KRT9: variants seen among roughly 807,000 people sequenced by gnomAD.
KRT9 encodes the protein keratin 9, also known as keratin, type I cytoskeletal 9.
A neutral mutation model predicts 51.4 loss-of-function variants in KRT9; 34 were observed. The observed-to-expected ratio is 0.66, with a 90% CI of 0.50 to 0.88. The LOEUF is 0.88. Ranked by LOEUF, KRT9 falls within the 40% of genes least tolerant of loss-of-function variation. The pLI, the probability that KRT9 is intolerant of heterozygous loss-of-function variation, is 0.00. For missense variants in KRT9, 753 were observed against 790.3 expected (o/e 0.95, Z 0.57); for synonymous variants, 292 against 289.7 (o/e 1.01, Z -0.08).
At chr17:41,570,766 G>A (rs1010594) in intron 1 of KRT9, among the ~76,000 whole-genome samples, 85,752 of 152,094 alleles carry the variant, frequency 0.56, 25,093 homozygotes, top group East Asian at 0.95. Context: ...ACCAGAACTA[G>A]GTCTAGCACA....
Position 41,568,390 on chromosome 17 carries a change from G to T in KRT9, c.1171-5C>A. 1 of 1,614,066 alleles carries T rather than the reference G, an allele frequency of 6.2e-7. No homozygotes were observed. Among genetic ancestry groups the T allele is most frequent in the Non-Finnish European group, 8.5e-7 (1 of 1,179,954 alleles). Reference sequence around the variant, plus strand: ...GCTCTTCTCCAGAGCTGCTTTCTAAGGGTTAGGAGAAGGCTTTAAGAGGGA... The same window carrying T: ...GCTCTTCTCCAGAGCTGCTTTCTAATGGTTAGGAGAAGGCTTTAAGAGGGA... On this transcript the variant is annotated splice_polypyrimidine_tract_variant and splice_region_variant and intron_variant, in intron 5 of 7. Coordinates refer to ENST00000246662, the MANE Select transcript of KRT9 (RefSeq NM_000226.4).
Position 41,567,644 on chromosome 17 carries a change from C to CTCCAGAACCACT in KRT9, c.1500_1501insAGTGGTTCTGGA (p.Gly500_Gly501insSerGlySerGly), listed in dbSNP as rs1906920864. 6.3e-7 allele frequency: 1 copy of CTCCAGAACCACT among 1,598,910 alleles called. No homozygotes were observed. Among genetic ancestry groups the CTCCAGAACCACT allele is most frequent in the Admixed American group, 1.8e-5 (1 of 56,710 alleles). ...CCTCCACCATAGCCACCTCCACTTC[C>CTCCAGAACCACT]TCCTCCACCATAGCTGCCTCCACTT... is the stretch of plus-strand genomic sequence containing the variant. On this transcript the variant is annotated inframe_insertion, in exon 7 of 8. Transcript: ENST00000246662.
At chr17:41,567,935 C>G (rs1217916736) in intron 6 of KRT9, among the ~76,000 whole-genome samples, 185 bp from the exon 7 acceptor site, 1 of 152,060 alleles carries the variant, frequency 6.6e-6, no homozygotes, top group African/African-American at 2.4e-5. Flanking sequence ...ACTGTGGAGC[C>G]CTCCCCTCCC....
chr17:41,570,484 G>C (rs558595187), intron 1 of KRT9, among the ~76,000 whole-genome samples: 5 of 152,318 alleles, frequency 3.3e-5, no homozygotes, highest in African/African-American at 9.6e-5. Flanking sequence ...CTGACATCCT[G>C]TTCCTCAGGG....
intron 1 of KRT9, among the ~76,000 whole-genome samples, 186 bp downstream of exon 1, chr17:41,571,165 C>T (rs1279364306): frequency 6.6e-6 from 1 of 152,232 alleles, no homozygotes; most frequent in Non-Finnish European, 1.5e-5. Context: ...ACTCAGAGCA[C>T]AGGCCAAAGT....
chr17:41,567,466 C>T lies in KRT9; in HGVS notation c.1679G>A (p.Gly560Glu). The T allele has an allele frequency of 1.3e-6, 2 of 1,552,756 alleles. No individual in the cohort carries two copies. The highest frequency in any genetic ancestry group is 2.4e-5 in the East Asian group (1 of 40,930). ...HSGGSGGNYGGGSGSGGGSGG... is the reference protein window; with the variant it reads ...HSGGSGGNYGEGSGSGGGSGG... ...ACTTCCTCCTCCAGAGCCACTTCCT[C>T]CTCCATAGTTGCCCCCACTTCCTCC... The change falls in exon 7 of 8, where the codon GGA (glycine) becomes GAA (glutamate). Residue 560 changes from glycine (G) to glutamate (E), a missense_variant. This residue lies in a region of KRT9 where 507 missense variants were observed against 563.7 expected (regional missense o/e 0.90). Coordinates refer to ENST00000246662, the MANE Select transcript of KRT9 (RefSeq NM_000226.4).
In KRT9 at chr17:41,569,936, T is replaced by A. The variant is rs765015206; in HGVS notation, c.805A>T (p.Met269Leu). The part of the protein sequence containing the change: ...GLRQVLDNLT[M>L]EKSDLEMQYE... ...TGCATCTCCAGGTCAGACTTCTCCA[T>A]GGTCAGATTGTCCAGCACCTGCCGC... The change falls in exon 3 of 8, where the codon ATG becomes TTG. Residue 269 changes from methionine (M) to leucine (L), a missense_variant. Met to Leu is a conservative substitution (Grantham distance 15, BLOSUM62 2). Transcript: ENST00000246662. 6.2e-7 allele frequency: 1 copy of A among 1,614,198 alleles called. No homozygotes were observed. The highest frequency in any genetic ancestry group is 2.2e-5 in the East Asian group (1 of 44,882).
Position 41,568,155 on chromosome 17 carries a change from G to C in KRT9, c.1394+7C>G. The C allele has an allele frequency of 6.2e-7, 1 of 1,611,706 alleles. No individual in the cohort carries two copies. The highest frequency in any genetic ancestry group is 8.5e-7 in the Non-Finnish European group (1 of 1,178,578). ...CCAGGGGTTCCACCAAATCCTGGGG[G>C]ACCTACAAGTCTTCCTGGCCTCCCT... On this transcript the variant is annotated splice_region_variant and intron_variant, in intron 6 of 7. Coordinates refer to ENST00000246662, the MANE Select transcript of KRT9 (RefSeq NM_000226.4).
intron 1 of KRT9, 47 bp downstream of exon 1, chr17:41,571,304 G>C (rs376081787): frequency 6.5e-7 from 1 of 1,529,426 alleles, no homozygotes; most frequent in African/African-American, 1.4e-5. Context: ...GGAAGATAAA[G>C]AATGAAAGAG....
chr17:41,570,250 C>G, intron 1 of KRT9, 30 bp from the exon 2 acceptor site: 1 of 1,590,724 alleles, frequency 6.3e-7, no homozygotes, highest in South Asian at 1.1e-5. Context: ...GCCATGATAT[C>G]ATGCTGTGGA....
At position 41,567,670 on chromosome 17, in the gene KRT9, C is replaced by T. The variant is rs1392705236; in HGVS notation, c.1475G>A (p.Gly492Glu). ...GGSYGRGSRG[G>E]SGGSYGGGGS... ...TCCTCCACCATAGCTGCCTCCACTT[C>T]CTCCCCTGGATCCTCTTCCATAACT... Residue 492 changes from glycine to glutamate, a missense_variant, in exon 7 of 8, where the codon GGA becomes GAA. Around this residue, in one of 3 missense-constraint regions of KRT9, gnomAD observed 507 missense variants for 563.7 expected, o/e 0.90. Transcript: ENST00000246662. The T allele has an allele frequency of 1.2e-6, 2 of 1,612,300 alleles. No homozygotes were observed. The highest frequency in any genetic ancestry group is 2.2e-5 in the South Asian group (2 of 90,832).
intron 6 of KRT9, 35 bp downstream of exon 6, chr17:41,568,127 C>A (rs1313556388): frequency 1.3e-6 from 2 of 1,561,984 alleles, no homozygotes; most frequent in Non-Finnish European, 1.8e-6. Flanking sequence ...GGCCTAGGGA[C>A]CCCCAGGGGT....
chr17:41,569,665 C>A, intron 3 of KRT9, 78 bp from the exon 4 acceptor site: 2 of 1,577,252 alleles, frequency 1.3e-6, no homozygotes, highest in East Asian at 2.2e-5. Context: ...TCTGGTCCCC[C>A]CAGGGTACAA....
In KRT9 at chr17:41,572,040, C is replaced by T. The variant is rs370955476; in HGVS notation, c.-48G>A. The T allele has an allele frequency of 3.2e-5, 50 of 1,542,692 alleles. No homozygotes were observed. The African/African-American group carries it at 5.3e-4, about 16-fold the overall frequency. On this transcript the variant is annotated 5_prime_UTR_variant, in exon 1 of 8. Coordinates refer to ENST00000246662, the MANE Select transcript of KRT9 (RefSeq NM_000226.4). ...TTGAGAAGCAGTGATAGGAGTGCTACCGGCTCCCAAGTGCAGGGTACAGAG... is the reference window on the plus strand; with the variant it reads ...TTGAGAAGCAGTGATAGGAGTGCTATCGGCTCCCAAGTGCAGGGTACAGAG...
In KRT9 at chr17:41,571,811, C is replaced by T; in HGVS notation, c.182G>A (p.Cys61Tyr). 6.2e-7 allele frequency: 1 copy of T among 1,613,502 alleles called. No individual in the cohort carries two copies. The highest frequency in any genetic ancestry group is 8.5e-7 in the Non-Finnish European group (1 of 1,179,684). ...SGYGGGSSRV[C>Y]GRGGGGSFGY... ...AAAACTGCCACCGCCTCCCCTCCCA[C>T]AGACACGAGAGCTTCCCCCACCATA... Residue 61 changes from cysteine to tyrosine, a missense_variant, in exon 1 of 8, where the codon TGT (cysteine) becomes TAT (tyrosine). By Grantham distance (194) the Cys-to-Tyr change is radical. This residue lies in a region of KRT9 where 241 missense variants were observed against 210.3 expected (regional missense o/e 1.15). Coordinates refer to ENST00000246662, the MANE Select transcript of KRT9 (RefSeq NM_000226.4).
chr17:41,570,451 G>T (rs1018680604), intron 1 of KRT9, among the ~76,000 whole-genome samples: 1 of 152,282 alleles, frequency 6.6e-6, no homozygotes, highest in African/African-American at 2.4e-5. Flanking sequence ...TACTGCAAAG[G>T]GCATTGTAGG....
intron 7 of KRT9, among the ~76,000 whole-genome samples, chr17:41,566,996 C>A (rs542710302): frequency 6.6e-6 from 1 of 152,278 alleles, no homozygotes; most frequent in African/African-American, 2.4e-5. Flanking sequence ...ATTTTCAACC[C>A]ATCTCCTACA....
In KRT9 at chr17:41,568,403, G is replaced by A. The variant is rs757924247; in HGVS notation, c.1171-18C>T. Reference sequence around the variant, plus strand: ...GCTGCTTTCTAAGGGTTAGGAGAAGGCTTTAAGAGGGATGCTACATCATAA... The same window carrying A: ...GCTGCTTTCTAAGGGTTAGGAGAAGACTTTAAGAGGGATGCTACATCATAA... On this transcript the variant is annotated intron_variant, in intron 5 of 7. Coordinates refer to ENST00000246662, the MANE Select transcript of KRT9 (RefSeq NM_000226.4). 39 of 1,613,728 alleles carry A rather than the reference G, an allele frequency of 2.4e-5. No individual in the cohort carries two copies. The highest frequency in any genetic ancestry group is 3.3e-5 in the Non-Finnish European group (39 of 1,179,770).
chr17:41,569,960 G>T lies in KRT9; in HGVS notation c.781C>A (p.Arg261=), dbSNP rs200992045. The part of the protein sequence containing the change: ...QGVDADINGL[R]QVLDNLTMEK... ...ATGGTCAGATTGTCCAGCACCTGCC[G>T]CAGGCCATTGATGTCAGCATCCACT... The change falls in exon 3 of 8, where the codon CGG becomes AGG. Residue 261 remains arginine (R), a synonymous_variant. Transcript: ENST00000246662. The T allele has an allele frequency of 1.2e-6, 2 of 1,614,120 alleles. No individual in the cohort carries two copies. Among genetic ancestry groups the T allele is most frequent in the South Asian group, 1.1e-5 (1 of 91,074 alleles).
Sources: gnomAD v4.1 joint callset for allele counts (sites outside exome capture counted in the v4.1 genomes callset) on GRCh38, gnomAD v4.1.1 for gene constraint, gnomAD v4.1.1 regional missense constraint, MANE v1.5 for transcripts, NCBI Gene and HGNC (gene_info 2026-07-23, HGNC 2026-07-21) for gene names.